TRAPPC9: variants seen among roughly 807,000 people sequenced by gnomAD.
TRAPPC9 encodes the protein IKK2 binding protein.
A neutral mutation model predicts 124.0 loss-of-function variants in TRAPPC9; 83 were observed. That is an observed-to-expected ratio of 0.67 (90% CI 0.56 to 0.80). The LOEUF (loss-of-function observed/expected upper bound fraction) is 0.80, where lower values mean the gene tolerates loss of function less well. TRAPPC9 is among the 30% of genes least tolerant of loss of function. TRAPPC9 has a pLI of 0.00. For missense variants in TRAPPC9, 1,302 were observed against 1,508.3 expected (o/e 0.86, Z 2.27); for synonymous variants, 638 against 617.5 (o/e 1.03, Z -0.49).
chr8:139,999,767 T>C (rs527792091), intron 18 of TRAPPC9, among the ~76,000 whole-genome samples: 15 of 152,324 alleles, frequency 9.8e-5, no homozygotes, highest in Admixed American at 7.8e-4. Context: ...GAAGGAAAGC[T>C]AGAATAACTC....
At chr8:140,074,077 C>T (rs902564523) in intron 17 of TRAPPC9, among the ~76,000 whole-genome samples, 2 of 152,144 alleles carry the variant, frequency 1.3e-5, no homozygotes, top group Non-Finnish European at 2.9e-5. Context: ...AGGTCTTTAC[C>T]GTCACAGACA....
chr8:139,941,361 G>A (rs1833911218), intron 19 of TRAPPC9, among the ~76,000 whole-genome samples: 1 of 152,232 alleles, frequency 6.6e-6, no homozygotes, highest in Non-Finnish European at 1.5e-5. Context: ...GCCAGGAAGT[G>A]GGGCTGAGAT....
At chr8:140,085,435 T>C (rs138421000) in intron 17 of TRAPPC9, among the ~76,000 whole-genome samples, 2 of 152,246 alleles carry the variant, frequency 1.3e-5, no homozygotes, top group African/African-American at 4.8e-5. Flanking sequence ...ATCTCTCTCT[T>C]TAAATATAAA....
At chr8:139,863,073 T>C (rs1211636509) in intron 21 of TRAPPC9, among the ~76,000 whole-genome samples, 4 of 152,218 alleles carry the variant, frequency 2.6e-5, no homozygotes, top group Non-Finnish European at 5.9e-5. Context: ...GTTCCCAGAC[T>C]ACTGACAAAA....
chr8:139,905,928 A>G (rs945991991), intron 20 of TRAPPC9, among the ~76,000 whole-genome samples: 1 of 151,902 alleles, frequency 6.6e-6, no homozygotes, highest in South Asian at 2.1e-4. Flanking sequence ...CTCTGTCTCT[A>G]CTAAAATACA....
At chr8:140,009,817 C>G (rs1045500738) in intron 18 of TRAPPC9, among the ~76,000 whole-genome samples, 2 of 152,362 alleles carry the variant, frequency 1.3e-5, no homozygotes, top group African/African-American at 4.8e-5. Flanking sequence ...CTATCCTTCT[C>G]CATTCAAATA....
At chr8:140,432,808 G>C (rs1413281262) in intron 4 of TRAPPC9, among the ~76,000 whole-genome samples, 1 of 151,758 alleles carries the variant, frequency 6.6e-6, no homozygotes, top group African/African-American at 2.4e-5. Flanking sequence ...GGAGGCGGAG[G>C]TTGCAGTGAG....
In TRAPPC9 at chr8:139,867,524, A is replaced by G. The variant is rs1366980944; in HGVS notation, c.3055+18355T>C. 2.0e-5 allele frequency among the ~76,000 whole-genome samples: 3 copies of G among 152,348 alleles called. No homozygotes were observed. In the East Asian group the frequency reaches 5.8e-4, roughly 29 times the overall value. On this transcript the variant is annotated intron_variant, in intron 21 of 22. Transcript: ENST00000438773. ...ACTTAGTAACAACAAAGAGACAAGGAGTAGCTTTACAGTAGAGGGAAGCAA... is the reference window on the plus strand; with the variant it reads ...ACTTAGTAACAACAAAGAGACAAGGGGTAGCTTTACAGTAGAGGGAAGCAA...
chr8:140,218,061 G>A (rs1316619236), intron 17 of TRAPPC9, among the ~76,000 whole-genome samples: 1 of 151,126 alleles, frequency 6.6e-6, no homozygotes, highest in Non-Finnish European at 1.5e-5. Flanking sequence ...AGGAGTTCAA[G>A]TGCTCAGATA....
chr8:139,993,572 G>C (rs1194788993), intron 18 of TRAPPC9, among the ~76,000 whole-genome samples: 3 of 152,124 alleles, frequency 2.0e-5, no homozygotes, highest in African/African-American at 7.2e-5. Context: ...TGGTAAAGGG[G>C]CACATTCAAA....
intron 21 of TRAPPC9, among the ~76,000 whole-genome samples, chr8:139,839,228 G>A (rs931482595): frequency 2.0e-5 from 3 of 152,234 alleles, no homozygotes; most frequent in Non-Finnish European, 2.9e-5. Context: ...CACCTGCCAC[G>A]CTAGACACTA....
chr8:140,124,935 G>A (rs1292605263), intron 17 of TRAPPC9, among the ~76,000 whole-genome samples: 3 of 152,230 alleles, frequency 2.0e-5, no homozygotes, highest in Admixed American at 2.0e-4. Flanking sequence ...TTTCAATGTT[G>A]CCATTTCTGG....
chr8:140,137,713 G>A (rs991132654), intron 17 of TRAPPC9, among the ~76,000 whole-genome samples: 12 of 152,124 alleles, frequency 7.9e-5, no homozygotes, highest in African/African-American at 9.7e-5. Flanking sequence ...TCAGTATTTC[G>A]TTTACAATCC....
At chr8:140,265,625 G>A (rs145379184) in intron 15 of TRAPPC9, among the ~76,000 whole-genome samples, 263 of 152,292 alleles carry the variant, frequency 1.7e-3, no homozygotes, top group African/African-American at 6.0e-3. Flanking sequence ...AATAACAAGA[G>A]AGCCATCGAT....
intron 9 of TRAPPC9, among the ~76,000 whole-genome samples, chr8:140,339,495 T>C (rs1440110486): frequency 6.6e-6 from 1 of 152,174 alleles, no homozygotes; most frequent in African/African-American, 2.4e-5. Flanking sequence ...ACACTTTTTA[T>C]AAAGGAGAAA....
intron 16 of TRAPPC9, among the ~76,000 whole-genome samples, chr8:140,239,410 A>T (rs1055184725): frequency 6.6e-6 from 1 of 152,138 alleles, no homozygotes; most frequent in African/African-American, 2.4e-5. Flanking sequence ...TGGGACAGAG[A>T]GCTGCTTCTG....
intron 14 of TRAPPC9, among the ~76,000 whole-genome samples, chr8:140,277,409 C>T (rs1005441989): frequency 2.0e-5 from 3 of 152,208 alleles, no homozygotes; most frequent in Admixed American, 6.5e-5. Flanking sequence ...CCATCAAGGG[C>T]TTTTTCCCAC....
At chr8:139,799,848 G>C (rs1823352788) in intron 21 of TRAPPC9, among the ~76,000 whole-genome samples, 1 of 152,224 alleles carries the variant, frequency 6.6e-6, no homozygotes, top group Admixed American at 6.5e-5. Context: ...GCCGAGCATG[G>C]GGCCACTGAG....
intron 4 of TRAPPC9, among the ~76,000 whole-genome samples, chr8:140,431,379 C>T (rs763211920): frequency 2.7e-4 from 41 of 152,022 alleles, no homozygotes; most frequent in Admixed American, 1.4e-3. Context: ...ATTGCTTGAA[C>T]CCAGGAGACA....
Sources: allele counts gnomAD v4.1 joint callset (sites outside exome capture counted in the v4.1 genomes callset), GRCh38; gene constraint gnomAD v4.1.1; transcripts MANE v1.5; gene names NCBI Gene and HGNC (gene_info 2026-07-23, HGNC 2026-07-21).